STK38L: variants seen among roughly 807,000 people sequenced by gnomAD.
The protein encoded by STK38L is serine/threonine-protein kinase 38-like.
A neutral mutation model predicts 59.7 loss-of-function variants in STK38L; 28 were observed. The observed-to-expected ratio is 0.47, with a 90% CI of 0.35 to 0.64. The LOEUF is 0.64. Ranked by LOEUF, STK38L falls within the 30% of genes least tolerant of loss-of-function variation. The pLI is 0.01. For missense variants in STK38L, 314 were observed against 555.8 expected, an observed-to-expected ratio of 0.56 and a Z score of 4.37; for synonymous variants, 162 against 176.8, an observed-to-expected ratio of 0.92 and a Z score of 0.66.
chr12:27,294,317 C>T (rs1531411), intron 1 of STK38L, among the ~76,000 whole-genome samples: 11,103 of 151,772 alleles, frequency 0.073, 1,275 homozygotes, highest in African/African-American at 0.25. Flanking sequence ...GTCAGGAGTT[C>T]GAGACCAGCC....
chr12:27,289,162 A>T (rs1432409780), intron 1 of STK38L, among the ~76,000 whole-genome samples: 1 of 152,188 alleles, frequency 6.6e-6, no homozygotes, highest in Non-Finnish European at 1.5e-5. Context: ...ATAGCAATAG[A>T]ACAATTAAAT....
At chr12:27,310,135 C>A (rs2136646287) in intron 5 of STK38L, among the ~76,000 whole-genome samples, 1 of 152,164 alleles carries the variant, frequency 6.6e-6, no homozygotes, top group East Asian at 1.9e-4. Context: ...ATTTTTCACC[C>A]TAGTTTCAGT....
At chr12:27,260,500 C>T (rs1031649469) in intron 1 of STK38L, among the ~76,000 whole-genome samples, 16 of 152,126 alleles carry the variant, frequency 1.1e-4, no homozygotes, top group East Asian at 7.7e-4. Context: ...GGGTTTTACA[C>T]GTTCTTGCCC....
At chr12:27,285,274 G>T (rs1943747781) in intron 1 of STK38L, among the ~76,000 whole-genome samples, 1 of 152,124 alleles carries the variant, frequency 6.6e-6, no homozygotes, top group Non-Finnish European at 1.5e-5. Flanking sequence ...AATAAAAAAG[G>T]AATTGGTACA....
At chr12:27,320,442 A>ATTTTTTTTTTT (rs34281958) in intron 12 of STK38L, among the ~76,000 whole-genome samples, 24 of 91,894 alleles carry the variant, frequency 2.6e-4, no homozygotes, top group East Asian at 6.6e-4. Context: ...AATTTTGTTG[A>ATTTTTTTTTTT]TTTTTTTTTT....
rs1419562378 is a variant in STK38L, at chr12:27,308,874, A to C, written c.310-240A>C. 7.9e-6 allele frequency among the ~76,000 whole-genome samples: 1 copy of C among 126,932 alleles called. No homozygotes were observed. The highest frequency in any genetic ancestry group is 2.1e-4 in the East Asian group (1 of 4,770). The allele number at this position is 126,932 out of a possible 152,430, so 83.3% of individuals were successfully genotyped here. Reference sequence around the variant, plus strand: ...TATATAAAAAAATATATATAAATATAAATATATATAAATGTAAATATATAA... The same window carrying C: ...TATATAAAAAAATATATATAAATATCAATATATATAAATGTAAATATATAA... On this transcript the variant is annotated intron_variant, in intron 4 of 13. Coordinates refer to ENST00000389032, the MANE Select transcript of STK38L (RefSeq NM_015000.4). This position sits in a 1 kb window ranked among gnomAD's most constrained non-coding sequence, Gnocchi z 4.5.
intron 1 of STK38L, among the ~76,000 whole-genome samples, chr12:27,257,151 CTG>C (rs1257101181): frequency 6.6e-6 from 1 of 152,188 alleles, no homozygotes; most frequent in Non-Finnish European, 1.5e-5. Context: ...ATTAATATAA[CTG>C]TGAGTGGAAC....
At chr12:27,312,402 GA>G in intron 5 of STK38L, 146 bp from the exon 6 acceptor site, 1 of 809,750 alleles carries the variant, frequency 1.2e-6, no homozygotes. Context: ...CATATTTGAT[GA>G]GAATACGAAC....
At chr12:27,269,611 T>G (rs1943375385) in intron 1 of STK38L, among the ~76,000 whole-genome samples, 2 of 152,218 alleles carry the variant, frequency 1.3e-5, no homozygotes, top group Non-Finnish European at 1.5e-5. Flanking sequence ...ATATTCATGT[T>G]GCATATGTTC....
chr12:27,257,985 C>T (rs545621654), intron 1 of STK38L, among the ~76,000 whole-genome samples: 1 of 151,912 alleles, frequency 6.6e-6, no homozygotes, highest in African/African-American at 2.4e-5. Context: ...CCTCAGCCTC[C>T]CAAGTTGCTG....
In STK38L at chr12:27,281,077, T is replaced by G. The variant is rs1305781402; in HGVS notation, c.-11-16633T>G. On this transcript the variant is annotated intron_variant, in intron 1 of 13. Transcript: ENST00000389032. ...TTTGGCTTTAGCTTTGTTTTTTTTT[T>G]TTTTTTTTTTTTTTTTTTTTTTTTT... is the stretch of plus-strand genomic sequence containing the variant. Among the ~76,000 whole-genome samples, 3 of 1,868 alleles carry G rather than the reference T, an allele frequency of 1.6e-3. 1 individual carries two copies. Among genetic ancestry groups the G allele is most frequent in the South Asian group, 0.026 (2 of 78 alleles). The allele number at this position is 1,868 out of a possible 152,430, so 1.2% of individuals were successfully genotyped here.
intron 1 of STK38L, among the ~76,000 whole-genome samples, chr12:27,285,120 G>C (rs924182980): frequency 6.6e-6 from 1 of 152,118 alleles, no homozygotes; most frequent in African/African-American, 2.4e-5. Flanking sequence ...TTTTAGTCTT[G>C]TCTAATTTTT....
chr12:27,269,105 C>A (rs557793335), intron 1 of STK38L, among the ~76,000 whole-genome samples: 1 of 152,294 alleles, frequency 6.6e-6, no homozygotes, highest in African/African-American at 2.4e-5. Context: ...TTTTGCAGTG[C>A]AGAAGCTCTT....
chr12:27,319,143 G>A (rs1944662995), intron 11 of STK38L, among the ~76,000 whole-genome samples, 185 bp from the exon 12 acceptor site: 1 of 152,134 alleles, frequency 6.6e-6, no homozygotes, highest in African/African-American at 2.4e-5. Context: ...ATTTACAGTA[G>A]TTATCTCTAA....
chr12:27,289,027 G>A (rs1039532735), intron 1 of STK38L, among the ~76,000 whole-genome samples: 3 of 152,020 alleles, frequency 2.0e-5, no homozygotes, highest in African/African-American at 7.3e-5. Context: ...CCATCGAGGT[G>A]CTAGATTATA....
At chr12:27,312,409 C>T (rs1944477397) in intron 5 of STK38L, 140 bp from the exon 6 acceptor site, 10 of 869,004 alleles carry the variant, frequency 1.2e-5, no homozygotes, top group Middle Eastern at 6.6e-4. Flanking sequence ...GATGAGAATA[C>T]GAACATTCAT....
intron 12 of STK38L, among the ~76,000 whole-genome samples, chr12:27,320,338 C>T (rs1421278631): frequency 6.6e-6 from 1 of 152,040 alleles, no homozygotes; most frequent in Admixed American, 6.5e-5. Context: ...ATGATCATGG[C>T]TCACCGCAGC....
chr12:27,314,771 TATATG>T (rs981886660), intron 7 of STK38L, 113 bp downstream of exon 7: 2 of 1,236,746 alleles, frequency 1.6e-6, no homozygotes, highest in African/African-American at 1.5e-5. Context: ...TAAACAACAT[TATATG>T]ATAAGGTACT....
chr12:27,248,848 T>C (rs1942913104), intron 1 of STK38L, among the ~76,000 whole-genome samples: 1 of 152,196 alleles, frequency 6.6e-6, no homozygotes, highest in African/African-American at 2.4e-5. Flanking sequence ...CAAAACAAAT[T>C]TTAAAAAGTT....
Sources: allele counts gnomAD v4.1 joint callset (sites outside exome capture counted in the v4.1 genomes callset), GRCh38; gene constraint gnomAD v4.1.1; non-coding constraint Gnocchi (gnomAD v3.1); transcripts MANE v1.5; gene names NCBI Gene and HGNC (gene_info 2026-07-23, HGNC 2026-07-21).